The following OSBPL7 variants were observed in gnomAD, a reference collection of about 807,000 sequenced individuals.
OSBPL7 encodes the protein oxysterol-binding protein-related protein 7.
Under a neutral mutation model 115.8 loss-of-function variants are expected in OSBPL7, and 66 were observed. The observed-to-expected ratio is 0.57, with a 90% CI of 0.47 to 0.70. The LOEUF (loss-of-function observed/expected upper bound fraction) is 0.70, where lower values mean the gene tolerates loss of function less well. Among genes scored for constraint, OSBPL7 ranks in the 30% least tolerant of loss-of-function variants. The pLI is 0.00. For synonymous variants in OSBPL7, 441 were observed against 439.2 expected (o/e 1.00, Z -0.05); for missense variants, 902 against 1,125.5 (o/e 0.80, Z 2.84).
In OSBPL7 at chr17:47,813,660, C is replaced by T. The variant is rs749751186; in HGVS notation, c.1526G>A (p.Arg509Gln). The change falls in exon 15 of 23, where the codon CGG (arginine) becomes CAG (glutamine). Residue 509 changes from arginine (R) to glutamine (Q), a missense_variant. Coordinates refer to ENST00000007414, the MANE Select transcript of OSBPL7 (RefSeq NM_145798.3). ...GCTGTACTCCAGCTCCTCGCAGAGC[C>T]GCTGCAGAGTGTTGAGCGGCTCGTT... ...QLNEPLNTLQ[R>Q]LCEELEYSSL... 3.1e-6 allele frequency: 5 copies of T among 1,613,152 alleles called. No individual in the cohort carries two copies. Among genetic ancestry groups the T allele is most frequent in the Admixed American group, 3.3e-5 (2 of 60,008 alleles).
At chr17:47,813,955 C>T (rs1237542389) in intron 14 of OSBPL7, 121 bp from the exon 15 acceptor site, 2 of 1,323,264 alleles carry the variant, frequency 1.5e-6, no homozygotes, top group East Asian at 2.5e-5. Flanking sequence ...GCCCCTGAGC[C>T]CTTGTCTCGA....
At chr17:47,809,530 G>C in intron 18 of OSBPL7, 52 bp from the exon 19 acceptor site, 4 of 1,581,754 alleles carry the variant, frequency 2.5e-6, no homozygotes, top group Non-Finnish European at 3.5e-6. Flanking sequence ...GGGAACAAGT[G>C]AGTCAGGGGC....
chr17:47,817,259 G>A lies in OSBPL7; in HGVS notation c.699C>T (p.His233=), dbSNP rs754966472. ...TGTGTGTACCCCTGGATCTTACCTGGTGTGTGGGGATAACAGGGGCTGAGG... is the reference window on the plus strand; with the variant it reads ...TGTGTGTACCCCTGGATCTTACCTGATGTGTGGGGATAACAGGGGCTGAGG... The part of the protein sequence containing the change: ...RIPSAPVIPT[H]QASVTTERPK... Residue 233 remains histidine (H), a synonymous_variant, in exon 8 of 23, where the codon CAC becomes CAT. Transcript: ENST00000007414. The A allele has an allele frequency of 1.3e-6, 2 of 1,592,248 alleles. No homozygotes were observed. The highest frequency in any genetic ancestry group is 1.4e-5 in the African/African-American group (1 of 73,338).
At chr17:47,814,490 A>AGCCC in intron 14 of OSBPL7, 31 bp downstream of exon 14, 3 of 334,270 alleles carry the variant, frequency 9.0e-6, no homozygotes, top group Non-Finnish European at 1.7e-5. Flanking sequence ...CCCGCCTCCC[A>AGCCC]CCCCTCCCTG....
In OSBPL7 at chr17:47,808,701, A is replaced by AG; in HGVS notation, c.2298-42dup. On this transcript the variant is annotated intron_variant, in intron 21 of 22. Transcript: ENST00000007414. The surrounding 1 kb of genome is among the most constrained non-coding windows in gnomAD (Gnocchi z 6.1). ...AAACTCAGGGGAACTGCCCATCTGCAGGGGCCCCCAAACCCAAGGCCTCTG... is the reference window on the plus strand; with the variant it reads ...AAACTCAGGGGAACTGCCCATCTGCAGGGGGCCCCCAAACCCAAGGCCTCTG... 6.2e-7 allele frequency: 1 copy of AG among 1,612,070 alleles called. No homozygotes were observed. Among genetic ancestry groups the AG allele is most frequent in the Non-Finnish European group, 8.5e-7 (1 of 1,178,878 alleles).
At position 47,815,777 on chromosome 17, in the gene OSBPL7, G is replaced by A. The variant is rs914041741; in HGVS notation, c.1119+330C>T. The A allele has an allele frequency of 1.8e-5, 6 of 331,388 alleles. No individual in the cohort carries two copies. The East Asian group carries it at 3.8e-4, about 21-fold the overall frequency. 20.5% of individuals were successfully genotyped at this position (331,388 alleles called of 1,614,324 possible). ...CCCGTGGAACGTAGCCCCAGCGTCT[G>A]TGCTCAGAGCCCGAGTCTCAGTTCA... On this transcript the variant is annotated intron_variant, in intron 12 of 22. Coordinates refer to ENST00000007414, the MANE Select transcript of OSBPL7 (RefSeq NM_145798.3).
chr17:47,815,178 C>A (rs1598020160), intron 13 of OSBPL7, 37 bp downstream of exon 13: 2 of 1,596,286 alleles, frequency 1.3e-6, no homozygotes, highest in Non-Finnish European at 1.7e-6. Flanking sequence ...AAGGTCCCCC[C>A]TACCCCGCCT....
chr17:47,813,108 C>A (rs1193538623), intron 16 of OSBPL7, among the ~76,000 whole-genome samples, 158 bp downstream of exon 16: 1 of 152,260 alleles, frequency 6.6e-6, no homozygotes, highest in Admixed American at 6.5e-5. Flanking sequence ...GGCTGGACCT[C>A]AGAACGTGGG....
rs111303936 is a variant in OSBPL7, at chr17:47,814,597, C to A, written c.1275G>T (p.Glu425Asp). Reference sequence around the variant, plus strand: ...TGGTGGTGATTTCACTGGTACAGGACTCCTCCTCCTCTGAGCCCTGGGCCA... The same window carrying A: ...TGGTGGTGATTTCACTGGTACAGGAATCCTCCTCCTCTGAGCCCTGGGCCA... ...SSENEGSEEE[E>D]SCTSEITTSL... is the part of the protein sequence containing the mutation. Residue 425 changes from glutamate to aspartate, a missense_variant, in exon 14 of 23, where the codon GAG becomes GAT. Physicochemically the swap from Glu to Asp is conservative, Grantham distance 45 (BLOSUM62 2). Around this residue, in one of 3 missense-constraint regions of OSBPL7, gnomAD observed 667 missense variants for 788.7 expected, o/e 0.85. Coordinates refer to ENST00000007414, the MANE Select transcript of OSBPL7 (RefSeq NM_145798.3). The A allele has an allele frequency of 5.0e-6, 8 of 1,613,632 alleles. No individual in the cohort carries two copies. In the South Asian group the frequency reaches 8.8e-5, roughly 18 times the overall value.
intron 16 of OSBPL7, among the ~76,000 whole-genome samples, chr17:47,812,038 C>CCAAA (rs80046179): frequency 0.27 from 40,660 of 151,800 alleles, 6,865 homozygotes; most frequent in Non-Finnish European, 0.38. Flanking sequence ...CACTTCAAAT[C>CCAAA]CAAACAAACA....
At chr17:47,809,651 C>T (rs139064907) in intron 18 of OSBPL7, among the ~76,000 whole-genome samples, 173 bp from the exon 19 acceptor site, 3 of 152,308 alleles carry the variant, frequency 2.0e-5, no homozygotes, top group African/African-American at 7.2e-5. Flanking sequence ...GTGGCCTTCA[C>T]AGAACGTATT....
chr17:47,813,996 A>G (rs2033134177), intron 14 of OSBPL7, among the ~76,000 whole-genome samples, 162 bp from the exon 15 acceptor site: 1 of 152,140 alleles, frequency 6.6e-6, no homozygotes, highest in Admixed American at 6.5e-5. Context: ...CTGGGGCTCT[A>G]ACTGCTGACA....
rs2143547145 is a variant in OSBPL7, at chr17:47,816,240, T to C, written c.1024-38A>G. ...GGTGAGGGACACGGTGCCAGGAGGA[T>C]GAGGTCCTCCCCACCTTGCCGCATC... On this transcript the variant is annotated intron_variant, in intron 11 of 22. Transcript: ENST00000007414. The surrounding 1 kb of genome is among the most constrained non-coding windows in gnomAD (Gnocchi z 5.8). The C allele has an allele frequency of 3.3e-6, 5 of 1,523,286 alleles. No homozygotes were observed. The East Asian group carries it at 1.2e-4, about 37-fold the overall frequency. The allele number at this position is 1,523,286 out of a possible 1,614,324, so 94.4% of individuals were successfully genotyped here.
rs936335308 is a variant in OSBPL7 at position 47,818,704 on chromosome 17, A to G, written c.370-88T>C. 19 of 1,149,230 alleles carry G rather than the reference A, an allele frequency of 1.7e-5. No homozygotes were observed. In the Admixed American group the frequency reaches 4.2e-4, roughly 25 times the overall value. The allele number at this position is 1,149,230 out of a possible 1,614,324, so 71.2% of individuals were successfully genotyped here. A position where few individuals can be genotyped will look rare whatever the true frequency, so the allele number is the denominator to read the frequency against. On this transcript the variant is annotated intron_variant, in intron 5 of 22. Coordinates refer to ENST00000007414, the MANE Select transcript of OSBPL7 (RefSeq NM_145798.3). ...AAGTCAGGGCTCTGGTCCCCAGACA[A>G]GCAGGGTCTCTTCTTACAGAGCCTG...
chr17:47,810,888 C>A (rs77660208), intron 16 of OSBPL7, 53 bp from the exon 17 acceptor site: 85,236 of 1,550,246 alleles, frequency 0.055, 2,841 homozygotes, highest in African/African-American at 0.16. Flanking sequence ...CATTAGGCTA[C>A]CCCAAAGTCC....
chr17:47,814,275 G>A (rs1040320960), intron 14 of OSBPL7, among the ~76,000 whole-genome samples: 1 of 152,156 alleles, frequency 6.6e-6, no homozygotes, highest in African/African-American at 2.4e-5. Flanking sequence ...TCCCTCCAAG[G>A]CCCTAGGCAA....
At chr17:47,812,297 C>A (rs1015659846) in intron 16 of OSBPL7, among the ~76,000 whole-genome samples, 4 of 152,218 alleles carry the variant, frequency 2.6e-5, no homozygotes, top group African/African-American at 9.6e-5. Context: ...GGGCCCCCAG[C>A]GCTCCTGCCT....
chr17:47,808,154 A>C lies in OSBPL7; in HGVS notation c.*137T>G. ...GAGATGCAGACCCTCTGGCCAGCAG[A>C]GGGGAGGGAGGGCCAGGGCTGCCCC... is the stretch of plus-strand genomic sequence containing the variant. On this transcript the variant is annotated 3_prime_UTR_variant, in exon 23 of 23. Transcript: ENST00000007414. The surrounding 1 kb of genome is among the most constrained non-coding windows in gnomAD (Gnocchi z 6.1). The C allele has an allele frequency of 1.5e-6, 1 of 652,652 alleles. No homozygotes were observed. The highest frequency in any genetic ancestry group is 2.7e-6 in the Non-Finnish European group (1 of 376,990). 40.4% of individuals were successfully genotyped at this position (652,652 alleles called of 1,614,324 possible). A position where few individuals can be genotyped will look rare whatever the true frequency, so the allele number is the denominator to read the frequency against.
At position 47,816,698 on chromosome 17, in the gene OSBPL7, G is replaced by T; in HGVS notation, c.796-3C>A. The T allele has an allele frequency of 6.2e-7, 1 of 1,614,136 alleles. No homozygotes were observed. The highest frequency in any genetic ancestry group is 8.5e-7 in the Non-Finnish European group (1 of 1,180,026). On this transcript the variant is annotated splice_polypyrimidine_tract_variant and splice_region_variant and intron_variant, in intron 9 of 22. Coordinates refer to ENST00000007414, the MANE Select transcript of OSBPL7 (RefSeq NM_145798.3). This position sits in a 1 kb window ranked among gnomAD's most constrained non-coding sequence, Gnocchi z 5.8. ...ACAGAGCCATGGAGACGACCAACCT[G>T]TAGGTGAAGGGGAAGGGCTGAAGGG...
Sources: allele counts gnomAD v4.1 joint callset (sites outside exome capture counted in the v4.1 genomes callset), GRCh38; gene constraint gnomAD v4.1.1; regional missense constraint gnomAD v4.1.1; non-coding constraint Gnocchi (gnomAD v3.1); transcripts MANE v1.5; gene names NCBI Gene and HGNC (gene_info 2026-07-23, HGNC 2026-07-21).